Variants in SCAPER observed in about 807,000 individuals in gnomAD.
SCAPER encodes the protein S phase cyclin A-associated protein in the endoplasmic reticulum.
SCAPER carries 98 observed loss-of-function variants against 182.2 expected under a neutral mutation model. That is an observed-to-expected ratio of 0.54 (90% CI 0.46 to 0.64). The LOEUF is 0.64. Among genes scored for constraint, SCAPER ranks in the 30% least tolerant of loss-of-function variants. SCAPER has a pLI of 0.00. For synonymous variants in SCAPER, 605 were observed against 564.6 expected (o/e 1.07, Z -1.01); for missense variants, 1,432 against 1,690.0 (o/e 0.85, Z 2.68).
At chr15:76,728,518 G>T in intron 17 of SCAPER, 77 bp downstream of exon 17, 1 of 1,579,828 alleles carries the variant, frequency 6.3e-7, no homozygotes. Flanking sequence ...AACTCTACAT[G>T]ACAGTAAATG....
At chr15:76,679,505 T>C (rs2057564626) in intron 20 of SCAPER, among the ~76,000 whole-genome samples, 1 of 152,222 alleles carries the variant, frequency 6.6e-6, no homozygotes, top group Non-Finnish European at 1.5e-5. Context: ...TGAAAATAAA[T>C]ATGTCATTTT....
chr15:76,424,388 C>G (rs2046270760), intron 26 of SCAPER, among the ~76,000 whole-genome samples: 1 of 152,130 alleles, frequency 6.6e-6, no homozygotes, highest in Non-Finnish European at 1.5e-5. Context: ...TTCTTTGTCT[C>G]TTTTGATCTT....
chr15:76,347,939 A>G lies in SCAPER; in HGVS notation c.*694T>C, dbSNP rs966227025. 2.4e-4 allele frequency: 36 copies of G among 152,238 alleles called. No homozygotes were observed. Among genetic ancestry groups the G allele is most frequent in the African/African-American group, 8.4e-4 (35 of 41,472 alleles). 9.4% of individuals were successfully genotyped at this position (152,238 alleles called of 1,614,324 possible). On this transcript the variant is annotated 3_prime_UTR_variant, in exon 32 of 32. Transcript: ENST00000563290. ...GTGACTTTTATTTCAGCGTTGCTTC[A>G]TTTCACAACCATGTGAGAAAATACT... is the stretch of plus-strand genomic sequence containing the variant.
At chr15:76,445,238 C>T (rs907172377) in intron 25 of SCAPER, among the ~76,000 whole-genome samples, 11 of 152,080 alleles carry the variant, frequency 7.2e-5, no homozygotes, top group Admixed American at 2.6e-4. Context: ...ATTTCTTTGC[C>T]GAGACTACTT....
At chr15:76,568,262 T>C (rs1025209202) in intron 23 of SCAPER, among the ~76,000 whole-genome samples, 1 of 151,018 alleles carries the variant, frequency 6.6e-6, no homozygotes, top group African/African-American at 2.5e-5. Flanking sequence ...TATGTTCCAT[T>C]CTTCTTTTTC....
intron 2 of SCAPER, among the ~76,000 whole-genome samples, chr15:76,881,972 A>G: frequency 6.6e-6 from 1 of 152,236 alleles, no homozygotes; most frequent in South Asian, 2.1e-4. Context: ...CTAAATGAAC[A>G]CTGTTTTATA....
At chr15:76,647,041 G>A (rs944808290) in intron 21 of SCAPER, among the ~76,000 whole-genome samples, 66 of 152,260 alleles carry the variant, frequency 4.3e-4, no homozygotes, top group African/African-American at 1.4e-3. Flanking sequence ...AGAAATCTTA[G>A]TGATAAGAAC....
intron 3 of SCAPER, among the ~76,000 whole-genome samples, chr15:76,861,096 C>G (rs774464866): frequency 6.6e-6 from 1 of 151,986 alleles, no homozygotes; most frequent in Non-Finnish European, 1.5e-5. Flanking sequence ...TATTAGAAGG[C>G]TAACAAATGC....
At chr15:76,457,315 G>A (rs1567177607) in intron 25 of SCAPER, among the ~76,000 whole-genome samples, 1 of 152,072 alleles carries the variant, frequency 6.6e-6, no homozygotes, top group Non-Finnish European at 1.5e-5. Context: ...CGTCGGCCTC[G>A]GCCTCCCACA....
At chr15:76,454,454 T>C (rs2048581228) in intron 25 of SCAPER, among the ~76,000 whole-genome samples, 1 of 152,214 alleles carries the variant, frequency 6.6e-6, no homozygotes, top group African/African-American at 2.4e-5. Context: ...TACTATCTCA[T>C]TCCCCATCTC....
At chr15:76,473,062 GGATTTTCA>G (rs2050322868) in intron 24 of SCAPER, among the ~76,000 whole-genome samples, 1 of 152,058 alleles carries the variant, frequency 6.6e-6, no homozygotes, top group Non-Finnish European at 1.5e-5. Context: ...TCTAGATTGT[GGATTTTCA>G]GATTTTCAGA....
chr15:76,530,652 G>C (rs1043636788), intron 23 of SCAPER, among the ~76,000 whole-genome samples: 7 of 152,120 alleles, frequency 4.6e-5, no homozygotes, highest in African/African-American at 1.7e-4. Flanking sequence ...CACAGTTTCT[G>C]AGTTTGCACC....
intron 5 of SCAPER, among the ~76,000 whole-genome samples, chr15:76,809,830 C>G (rs769924587): frequency 3.9e-5 from 6 of 152,114 alleles, no homozygotes; most frequent in Non-Finnish European, 8.8e-5. Flanking sequence ...AAGTTAAAGA[C>G]AAAGACAGAC....
At chr15:76,696,271 T>C (rs1182715101) in intron 20 of SCAPER, among the ~76,000 whole-genome samples, 1 of 152,216 alleles carries the variant, frequency 6.6e-6, no homozygotes, top group Non-Finnish European at 1.5e-5. Context: ...GTGATGTCTT[T>C]ATATTTTTGC....
Position 76,655,742 on chromosome 15 carries a change from T to C in SCAPER, c.2645+9911A>G, listed in dbSNP as rs528166186. 1.2e-4 allele frequency among the ~76,000 whole-genome samples: 19 copies of C among 152,162 alleles called. No homozygotes were observed. The South Asian group carries it at 3.9e-3, about 32-fold the overall frequency. ...CAGAAACACTATAAGGCAGAAGAGATTGGACGCTTATATTCAGCATTATTA... is the reference window on the plus strand; with the variant it reads ...CAGAAACACTATAAGGCAGAAGAGACTGGACGCTTATATTCAGCATTATTA... On this transcript the variant is annotated intron_variant, in intron 21 of 31. Coordinates refer to ENST00000563290, the MANE Select transcript of SCAPER (RefSeq NM_020843.4).
intron 2 of SCAPER, among the ~76,000 whole-genome samples, chr15:76,870,403 T>C (rs1259260906): frequency 6.6e-6 from 1 of 151,440 alleles, no homozygotes; most frequent in Non-Finnish European, 1.5e-5. Flanking sequence ...CTGGGCATAC[T>C]AGAAAACAAG....
intron 14 of SCAPER, among the ~76,000 whole-genome samples, chr15:76,754,737 CA>C (rs2062310093): frequency 2.6e-5 from 4 of 151,780 alleles, no homozygotes; most frequent in African/African-American, 9.7e-5. Flanking sequence ...TTGAACCATC[CA>C]AAAAAGTATG....
At chr15:76,812,778 A>C (rs1003349109) in intron 5 of SCAPER, among the ~76,000 whole-genome samples, 1 of 152,158 alleles carries the variant, frequency 6.6e-6, no homozygotes, top group East Asian at 1.9e-4. Flanking sequence ...GCCAGTAACA[A>C]AATGACTGAA....
intron 16 of SCAPER, 140 bp downstream of exon 16, chr15:76,733,087 CTT>C (rs551220545): frequency 1.3e-6 from 1 of 789,530 alleles, no homozygotes; most frequent in South Asian, 1.9e-5. Context: ...GCCCAGCTGT[CTT>C]TTATTTCTTT....
Sources: allele counts gnomAD v4.1 joint callset (sites outside exome capture counted in the v4.1 genomes callset), GRCh38; gene constraint gnomAD v4.1.1; transcripts MANE v1.5; gene names NCBI Gene and HGNC (gene_info 2026-07-23, HGNC 2026-07-21).